Variants in LRRIQ1 observed in about 807,000 individuals in gnomAD.
The protein encoded by LRRIQ1 is leucine rich repeats and IQ motif containing 1.
LRRIQ1 carries 210 observed loss-of-function variants against 211.9 expected under a neutral mutation model. The ratio of observed to expected loss-of-function variants is 0.99; its 90% CI spans 0.89 to 1.11. LRRIQ1 has a LOEUF of 1.11. Ranked by LOEUF, LRRIQ1 falls within the 50% of genes most tolerant of loss-of-function variation. The pLI, the probability that LRRIQ1 is intolerant of heterozygous loss-of-function variation, is 0.00. For missense variants in LRRIQ1, 2,136 were observed against 1,939.5 expected, an observed-to-expected ratio of 1.10 and a Z score of -1.90; for synonymous variants, 699 against 650.1, an observed-to-expected ratio of 1.08 and a Z score of -1.14.
chr12:85,169,491 G>T (rs947571190), intron 24 of LRRIQ1, among the ~76,000 whole-genome samples: 3 of 152,100 alleles, frequency 2.0e-5, no homozygotes. Context: ...TAAATATCAT[G>T]TCCTACCGGA....
chr12:85,263,787 T>G (rs964739142), exon 2 of LRRIQ1: 7 of 152,106 alleles, frequency 4.6e-5, no homozygotes, highest in Admixed American at 4.6e-4. Context: ...ACCTTAAAAT[T>G]GTCATTTAAA....
At chr12:85,194,098 G>T (rs1340077308) in intron 24 of LRRIQ1, among the ~76,000 whole-genome samples, 18 of 66,854 alleles carry the variant, frequency 2.7e-4, no homozygotes, top group East Asian at 1.0e-3. Flanking sequence ...AATGGTAAAG[G>T]GATCAATTCA....
rs1247027990 is a variant in LRRIQ1 at position 85,258,177 on chromosome 12, T to G, written c.122-4738T>G. Among the ~76,000 whole-genome samples, 4 of 150,368 alleles carry G rather than the reference T, an allele frequency of 2.7e-5. No individual in the cohort carries two copies. In the East Asian group the frequency reaches 7.7e-4, roughly 29 times the overall value. ...GACAAAAAAATGTGTTACTCACATG[T>G]TTTTTTTTAAAACATTTTGATTATT... On this transcript the variant is annotated intron_variant, in intron 1 of 1. Transcript: ENST00000602731.
chr12:85,252,230 T>G (rs528429459), intron 1 of LRRIQ1, among the ~76,000 whole-genome samples: 192 of 152,030 alleles, frequency 1.3e-3, no homozygotes, highest in African/African-American at 4.4e-3. Flanking sequence ...TATTTAGTAG[T>G]TGATTTTTAA....
chr12:85,269,886 G>A, the LRRIQ1 span, among the ~76,000 whole-genome samples: 3 of 152,134 alleles, frequency 2.0e-5, no homozygotes, highest in South Asian at 6.2e-4. Flanking sequence ...CTGGAGGCTG[G>A]AATTCTGAGA....
chr12:85,044,508 G>A (rs1022714769), intron 3 of LRRIQ1, among the ~76,000 whole-genome samples: 2 of 151,754 alleles, frequency 1.3e-5, no homozygotes, highest in Non-Finnish European at 2.9e-5. Flanking sequence ...AAGCACTTTA[G>A]AAATTTATTA....
intron 6 of LRRIQ1, 83 bp from the exon 7 acceptor site, chr12:85,052,094 T>TA: frequency 2.5e-6 from 2 of 796,716 alleles, no homozygotes; most frequent in Non-Finnish European, 3.9e-6. Flanking sequence ...TGTTTACAAA[T>TA]ATATGTTATG....
intron 11 of LRRIQ1, among the ~76,000 whole-genome samples, chr12:85,077,033 TG>T (rs1424397360): frequency 6.6e-6 from 1 of 152,192 alleles, no homozygotes; most frequent in African/African-American, 2.4e-5. Flanking sequence ...GAAGTACTTT[TG>T]CACTAAAATT....
chr12:85,175,758 A>G (rs1891668277), intron 24 of LRRIQ1, among the ~76,000 whole-genome samples: 1 of 152,202 alleles, frequency 6.6e-6, no homozygotes, highest in Non-Finnish European at 1.5e-5. Context: ...TTTATTAAAT[A>G]GGGAATCCTT....
intron 18 of LRRIQ1, 106 bp downstream of exon 18, chr12:85,128,139 T>G (rs1422575808): frequency 1.1e-6 from 1 of 894,326 alleles, no homozygotes; most frequent in Non-Finnish European, 1.7e-6. Context: ...ATTACAGTTA[T>G]GTAGATTTAT....
chr12:85,145,465 T>A (rs956344647), intron 19 of LRRIQ1, among the ~76,000 whole-genome samples: 1 of 151,666 alleles, frequency 6.6e-6, no homozygotes, highest in Non-Finnish European at 1.5e-5. Flanking sequence ...CCCTAATTTA[T>A]TAAGTGCCAA....
rs775390826 is a variant in LRRIQ1 at position 85,244,869 on chromosome 12, A to G, written c.5097A>G (p.Glu1699=). 5.9e-6 allele frequency: 9 copies of G among 1,535,188 alleles called. No individual in the cohort carries two copies. In the South Asian group the frequency reaches 1.0e-4, roughly 17 times the overall value. The change falls in exon 27 of 27, where the codon GAA becomes GAG. Residue 1699 remains glutamate, a synonymous_variant. Transcript: ENST00000393217. ...GAAGTGCTTTGTCTGTGAACAGAGA[A>G]AAAAAAAATCAGGCACACAGACACT... ...TNGSALSVNR[E]KKNQAHRHSA... is the part of the protein sequence containing the mutation.
intron 24 of LRRIQ1, among the ~76,000 whole-genome samples, chr12:85,189,764 T>C (rs1371301923): frequency 1.4e-5 from 2 of 147,394 alleles, no homozygotes; most frequent in Non-Finnish European, 3.0e-5. Flanking sequence ...ATTAAAAATA[T>C]ATATAATATC....
chr12:85,046,184 G>C, intron 5 of LRRIQ1, 47 bp downstream of exon 5: 2 of 1,135,066 alleles, frequency 1.8e-6, no homozygotes, highest in Non-Finnish European at 2.6e-6. Context: ...TTATATGATT[G>C]ATCATAGTTA....
the LRRIQ1 span, among the ~76,000 whole-genome samples, chr12:85,270,680 T>G: frequency 1.3e-5 from 2 of 152,266 alleles, no homozygotes; most frequent in Middle Eastern, 6.8e-3. Flanking sequence ...TTAAAATATA[T>G]AACAACAACA....
intron 24 of LRRIQ1, among the ~76,000 whole-genome samples, chr12:85,217,514 GT>G (rs1894175126): frequency 1.8e-5 from 1 of 54,340 alleles, no homozygotes; most frequent in Non-Finnish European, 3.1e-5. Flanking sequence ...ATATATGTGT[GT>G]GTGTGTGTGT....
intron 24 of LRRIQ1, among the ~76,000 whole-genome samples, chr12:85,224,913 T>C (rs1592994470): frequency 6.6e-6 from 1 of 152,092 alleles, no homozygotes; most frequent in East Asian, 1.9e-4. Flanking sequence ...AAACCTATTA[T>C]ATAATAAGTT....
intron 24 of LRRIQ1, among the ~76,000 whole-genome samples, chr12:85,167,234 C>T (rs531535162): frequency 1.4e-4 from 22 of 152,120 alleles, no homozygotes; most frequent in African/African-American, 4.6e-4. Flanking sequence ...TTTTATATGC[C>T]ATATGTATTA....
chr12:85,230,535 A>T (rs1039914211), intron 25 of LRRIQ1, among the ~76,000 whole-genome samples: 12 of 152,182 alleles, frequency 7.9e-5, no homozygotes, highest in Admixed American at 6.5e-5. Context: ...CTCTAAGTAC[A>T]GCCATATTCT....
Sources: gnomAD v4.1 joint callset for allele counts (sites outside exome capture counted in the v4.1 genomes callset) on GRCh38, gnomAD v4.1.1 for gene constraint, MANE v1.5 for transcripts, NCBI Gene and HGNC (gene_info 2026-07-23, HGNC 2026-07-21) for gene names.